The following GPC6 variants were observed in gnomAD, a reference collection of about 807,000 sequenced individuals.
GPC6 encodes the protein glypican 6.
In GPC6, 14 loss-of-function variants were observed where a neutral mutation model predicts 55.2. That is an observed-to-expected ratio of 0.25 (90% CI 0.17 to 0.40). GPC6 has a LOEUF of 0.40. Ranked by LOEUF, GPC6 falls within the 10% of genes least tolerant of loss-of-function variation. GPC6 has a pLI of 1.00. For missense variants in GPC6, 641 were observed against 708.5 expected, an observed-to-expected ratio of 0.90 and a Z score of 1.08; for synonymous variants, 278 against 259.6, an observed-to-expected ratio of 1.07 and a Z score of -0.68.
At chr13:93,643,233 A>G (rs914963719) in intron 2 of GPC6, among the ~76,000 whole-genome samples, 1 of 152,100 alleles carries the variant, frequency 6.6e-6, no homozygotes, top group African/African-American at 2.4e-5. Context: ...ATTTGGTGTG[A>G]CAGCATATTC....
chr13:94,381,479 T>A (rs959557535), intron 6 of GPC6, among the ~76,000 whole-genome samples: 2 of 152,114 alleles, frequency 1.3e-5, no homozygotes, highest in African/African-American at 4.8e-5. Context: ...GTGCTCAAAT[T>A]TCCCCTTTTT....
At chr13:94,164,631 A>G (rs902133130) in intron 4 of GPC6, among the ~76,000 whole-genome samples, 1 of 152,180 alleles carries the variant, frequency 6.6e-6, no homozygotes, top group Non-Finnish European at 1.5e-5. Context: ...TACAGTCCTT[A>G]TACTGAGATC....
Position 93,977,467 on chromosome 13 carries a change from GGTGTGTGTGTGTGTGT to G in GPC6, c.712-50226_712-50211del, listed in dbSNP as rs4001797. ...TCTATGATTTGCCAAGATGACAAGG[GGTGTGTGTGTGTGTGT>G]GTGTGTGTGTGTGTGTGTGTGTGTG... is the stretch of plus-strand genomic sequence containing the variant. On this transcript the variant is annotated intron_variant, in intron 3 of 8. Transcript: ENST00000377047. Among the ~76,000 whole-genome samples the G allele has an allele frequency of 5.7e-3, 782 of 137,372 alleles. 4 individuals carry two copies. The highest frequency in any genetic ancestry group is 0.019 in the African/African-American group (699 of 37,112). 90.1% of individuals were successfully genotyped at this position (137,372 alleles called of 152,430 possible).
chr13:93,219,119 AGTCTCACTCT>A, the GPC6 span, among the ~76,000 whole-genome samples: 1 of 145,290 alleles, frequency 6.9e-6, no homozygotes, highest in Non-Finnish European at 1.5e-5. Flanking sequence ...TTTTAGACAG[AGTCTCACTCT>A]GTCACCCAGG....
At chr13:94,172,745 C>G (rs940319005) in intron 4 of GPC6, among the ~76,000 whole-genome samples, 2 of 152,168 alleles carry the variant, frequency 1.3e-5, no homozygotes, top group African/African-American at 4.8e-5. Context: ...TATGTACACT[C>G]TTACATAAAT....
At chr13:93,646,577 T>G (rs1880182553) in intron 2 of GPC6, among the ~76,000 whole-genome samples, 1 of 152,152 alleles carries the variant, frequency 6.6e-6, no homozygotes, top group South Asian at 2.1e-4. Flanking sequence ...CCAGCAATTT[T>G]ACTTATTGGG....
intron 2 of GPC6, among the ~76,000 whole-genome samples, chr13:93,581,082 A>G (rs1876914836): frequency 6.6e-6 from 1 of 152,188 alleles, no homozygotes; most frequent in Non-Finnish European, 1.5e-5. Flanking sequence ...CCGCTTTTTA[A>G]AGTTTTCACT....
At chr13:93,824,604 C>CA (rs1887169018) in intron 2 of GPC6, among the ~76,000 whole-genome samples, 1 of 150,742 alleles carries the variant, frequency 6.6e-6, no homozygotes, top group Non-Finnish European at 1.5e-5. Context: ...TTTTTTTAAA[C>CA]AAAGGCACAA....
intron 1 of GPC6, among the ~76,000 whole-genome samples, chr13:93,236,523 T>C (rs1876239568): frequency 6.6e-6 from 1 of 152,182 alleles, no homozygotes; most frequent in African/African-American, 2.4e-5. Context: ...TGAACATCAC[T>C]GCCTGCGCTC....
chr13:94,039,506 G>T (rs184962676), intron 4 of GPC6, among the ~76,000 whole-genome samples: 1 of 151,966 alleles, frequency 6.6e-6, no homozygotes, highest in Admixed American at 6.6e-5. Flanking sequence ...ACTGAGATAA[G>T]TGCCTGAGAG....
chr13:94,366,696 T>A (rs1255178394), intron 6 of GPC6, among the ~76,000 whole-genome samples: 1 of 152,210 alleles, frequency 6.6e-6, no homozygotes, highest in Non-Finnish European at 1.5e-5. Context: ...TCCTTGGGGA[T>A]TTCTGCCTCT....
intron 2 of GPC6, among the ~76,000 whole-genome samples, chr13:93,799,126 A>G (rs1194598906): frequency 6.6e-6 from 1 of 152,114 alleles, no homozygotes. Flanking sequence ...CCGTGTAATC[A>G]AGCAAAAGTA....
At chr13:94,021,260 G>GTGTA (rs148143866) in intron 3 of GPC6, among the ~76,000 whole-genome samples, 55 of 146,272 alleles carry the variant, frequency 3.8e-4, no homozygotes, top group Non-Finnish European at 7.4e-4. Flanking sequence ...TTCATTGTGT[G>GTGTA]TATATATATA....
At chr13:93,873,268 ACT>A (rs1566579766) in intron 3 of GPC6, among the ~76,000 whole-genome samples, 1 of 152,018 alleles carries the variant, frequency 6.6e-6, no homozygotes, top group East Asian at 1.9e-4. Flanking sequence ...TTTACAAAAT[ACT>A]GACAGTTAAT....
At chr13:94,353,031 C>T (rs1023655926) in intron 6 of GPC6, among the ~76,000 whole-genome samples, 1 of 152,172 alleles carries the variant, frequency 6.6e-6, no homozygotes, top group African/African-American at 2.4e-5. Flanking sequence ...GTGGTCTCTG[C>T]AGTGCACCAA....
intron 4 of GPC6, among the ~76,000 whole-genome samples, chr13:94,208,882 G>A (rs1889987519): frequency 6.6e-6 from 1 of 151,490 alleles, no homozygotes; most frequent in South Asian, 2.1e-4. Flanking sequence ...AGCTATGATC[G>A]TGCTACTGCA....
At chr13:93,314,816 T>C (rs1004626503) in intron 1 of GPC6, among the ~76,000 whole-genome samples, 2 of 152,148 alleles carry the variant, frequency 1.3e-5, no homozygotes, top group Non-Finnish European at 2.9e-5. Flanking sequence ...AATCATTTTA[T>C]AGAAGAAGAT....
At chr13:93,420,577 A>T (rs571985902) in intron 1 of GPC6, among the ~76,000 whole-genome samples, 2 of 152,314 alleles carry the variant, frequency 1.3e-5, no homozygotes, top group African/African-American at 4.8e-5. Flanking sequence ...TGGATTTTTA[A>T]TTACAAGGAG....
At chr13:93,875,083 G>T (rs1344476656) in intron 3 of GPC6, among the ~76,000 whole-genome samples, 1 of 151,968 alleles carries the variant, frequency 6.6e-6, no homozygotes, top group Admixed American at 6.6e-5. Flanking sequence ...AATTAATAGT[G>T]TTGGGCTTTC....
Sources: gnomAD v4.1 joint callset for allele counts (sites outside exome capture counted in the v4.1 genomes callset) on GRCh38, gnomAD v4.1.1 for gene constraint, MANE v1.5 for transcripts, NCBI Gene and HGNC (gene_info 2026-07-23, HGNC 2026-07-21) for gene names.